TEX36: variants seen among roughly 807,000 people sequenced by gnomAD.
TEX36 encodes testis expressed 36, also known as testis-expressed protein 36.
A neutral mutation model predicts 13.6 loss-of-function variants in TEX36; 12 were observed. That is an observed-to-expected ratio of 0.88 (90% CI 0.56 to 1.43). The LOEUF is 1.43. Ranked by LOEUF, TEX36 falls within the 40% of genes most tolerant of loss-of-function variation. The pLI is 0.00. For synonymous variants in TEX36, 93 were observed against 83.0 expected, an observed-to-expected ratio of 1.12 and a Z score of -0.65; for missense variants, 224 against 228.3, an observed-to-expected ratio of 0.98 and a Z score of 0.12.
At chr10:125,649,215 A>C (rs1846816946) in intron 3 of TEX36, among the ~76,000 whole-genome samples, 1 of 152,224 alleles carries the variant, frequency 6.6e-6, no homozygotes, top group Non-Finnish European at 1.5e-5. Context: ...AGATTCACCA[A>C]AGTTGAAATG....
At chr10:125,624,752 G>T (rs189738163) in intron 3 of TEX36, among the ~76,000 whole-genome samples, 1 of 152,108 alleles carries the variant, frequency 6.6e-6, no homozygotes, top group East Asian at 1.9e-4. Context: ...GTTGTCCAGC[G>T]CACTTGGGGA....
intron 3 of TEX36, among the ~76,000 whole-genome samples, chr10:125,599,922 A>T (rs1341226290): frequency 6.6e-6 from 1 of 152,018 alleles, no homozygotes; most frequent in Non-Finnish European, 1.5e-5. Context: ...GAGACCCCCA[A>T]TCCCAGGCTC....
At chr10:125,625,731 A>G (rs189307407) in intron 3 of TEX36, among the ~76,000 whole-genome samples, 135 of 152,376 alleles carry the variant, frequency 8.9e-4, no homozygotes, top group Non-Finnish European at 1.6e-3. Context: ...GAACGTTGCC[A>G]ACACCCCAGA....
intron 3 of TEX36, among the ~76,000 whole-genome samples, chr10:125,658,656 A>ATT (rs1215657968): frequency 6.6e-6 from 1 of 152,140 alleles, no homozygotes; most frequent in Non-Finnish European, 1.5e-5. Context: ...AAAAAGTGAG[A>ATT]ATCTTAGATT....
At chr10:125,621,720 C>G (rs1050024892) in intron 3 of TEX36, 1 of 452,528 alleles carries the variant, frequency 2.2e-6, no homozygotes, top group South Asian at 1.6e-5. Context: ...AACAGTGTAG[C>G]CTTCCATCTG....
downstream of TEX36, among the ~76,000 whole-genome samples, chr10:125,617,058 T>C (rs1402663593): frequency 6.6e-6 from 1 of 152,212 alleles, no homozygotes; most frequent in Non-Finnish European, 1.5e-5. Context: ...TTTGTCTCTT[T>C]TGATCTTTGT....
chr10:125,633,383 T>A (rs1021772698), intron 3 of TEX36, among the ~76,000 whole-genome samples: 22 of 152,216 alleles, frequency 1.4e-4, no homozygotes, highest in Non-Finnish European at 2.8e-4. Flanking sequence ...TTGCTTGACA[T>A]TGGACACCTC....
At chr10:125,617,828 T>G (rs1589756806), downstream of TEX36, among the ~76,000 whole-genome samples, 1 of 152,194 alleles carries the variant, frequency 6.6e-6, no homozygotes, top group African/African-American at 2.4e-5. Context: ...ATCTGAATGT[T>G]GGCCTGCCTT....
At chr10:125,592,297 A>T (rs1335782821) in intron 3 of TEX36, among the ~76,000 whole-genome samples, 4 of 152,140 alleles carry the variant, frequency 2.6e-5, no homozygotes, top group Admixed American at 2.0e-4. Context: ...GACGTGCGTT[A>T]GGCCACCAGG....
intron 3 of TEX36, among the ~76,000 whole-genome samples, chr10:125,608,720 A>G (rs890954031): frequency 6.6e-6 from 1 of 152,212 alleles, no homozygotes; most frequent in Non-Finnish European, 1.5e-5. Flanking sequence ...TTAGCGCCAT[A>G]GACAAATAGC....
chr10:125,654,628 G>C (rs549652831), downstream of TEX36, among the ~76,000 whole-genome samples: 1 of 152,226 alleles, frequency 6.6e-6, no homozygotes, highest in African/African-American at 2.4e-5. Flanking sequence ...TGGAATGATG[G>C]GGACATTGTC....
downstream of TEX36, among the ~76,000 whole-genome samples, chr10:125,619,508 A>G (rs2133558600): frequency 6.6e-6 from 1 of 152,204 alleles, no homozygotes; most frequent in Admixed American, 6.5e-5. Context: ...TTGTGTCTCC[A>G]AGCACTTTTT....
intron 1 of TEX36, chr10:125,667,628 T>C: frequency 1.4e-6 from 1 of 722,716 alleles, no homozygotes. Flanking sequence ...CTTGTCTACC[T>C]TGCTGCCCCC....
intron 2 of TEX36, 142 bp downstream of exon 2, chr10:125,661,704 G>T: frequency 1.9e-6 from 2 of 1,078,600 alleles, no homozygotes; most frequent in Non-Finnish European, 2.6e-6. Flanking sequence ...ATGGGGTGGG[G>T]ATACTACCAA....
intron 3 of TEX36, among the ~76,000 whole-genome samples, chr10:125,606,109 G>T (rs1325502096): frequency 1.3e-5 from 2 of 152,062 alleles, no homozygotes; most frequent in East Asian, 3.8e-4. Flanking sequence ...TTAGACTGTT[G>T]GGCCGTGTTC....
intron 3 of TEX36, among the ~76,000 whole-genome samples, chr10:125,580,085 A>G (rs1845866223): frequency 6.6e-6 from 1 of 152,214 alleles, no homozygotes; most frequent in Non-Finnish European, 1.5e-5. Flanking sequence ...GCAGCTCTGA[A>G]AAGGCATGGT....
chr10:125,642,856 G>T (rs998286660), intron 3 of TEX36, among the ~76,000 whole-genome samples: 5 of 152,152 alleles, frequency 3.3e-5, no homozygotes, highest in African/African-American at 1.2e-4. Flanking sequence ...TGGTTGGTTG[G>T]TTGGTTGGTT....
At chr10:125,584,242 GC>G (rs1283767531) in intron 3 of TEX36, among the ~76,000 whole-genome samples, 3 of 152,246 alleles carry the variant, frequency 2.0e-5, no homozygotes, top group Admixed American at 2.0e-4. Context: ...GCCCAGCAGA[GC>G]CCAGCCAAAG....
intron 3 of TEX36, among the ~76,000 whole-genome samples, chr10:125,647,653 A>G (rs969939292): frequency 6.6e-6 from 1 of 152,216 alleles, no homozygotes; most frequent in African/African-American, 2.4e-5. Flanking sequence ...TACTGGGTTC[A>G]TCTCACTGGG....
Sources: gnomAD v4.1 joint callset for allele counts (sites outside exome capture counted in the v4.1 genomes callset) on GRCh38, gnomAD v4.1.1 for gene constraint, MANE v1.5 for transcripts, NCBI Gene and HGNC (gene_info 2026-07-23, HGNC 2026-07-21) for gene names.